Variants in CACNB2 observed in about 807,000 individuals in gnomAD.
CACNB2 encodes the protein voltage-dependent L-type calcium channel subunit beta-2.
CACNB2 carries 42 observed loss-of-function variants against 73.3 expected under a neutral mutation model. The observed-to-expected ratio is 0.57, with a 90% CI of 0.45 to 0.74. The LOEUF is 0.74. Among genes scored for constraint, CACNB2 ranks in the 30% least tolerant of loss-of-function variants. CACNB2 has a pLI of 0.00. For synonymous variants in CACNB2, 348 were observed against 310.3 expected, an observed-to-expected ratio of 1.12 and a Z score of -1.28; for missense variants, 940 against 853.0, an observed-to-expected ratio of 1.10 and a Z score of -1.27.
chr10:18,484,397 GAA>G (rs57334163), intron 3 of CACNB2, among the ~76,000 whole-genome samples: 2,495 of 146,578 alleles, frequency 0.017, 93 homozygotes, highest in South Asian at 0.13. Context: ...CTGTCTCAAA[GAA>G]AAAAAAAAAA....
chr10:18,359,113 CT>C (rs553267195), intron 2 of CACNB2, among the ~76,000 whole-genome samples: 12 of 147,578 alleles, frequency 8.1e-5, no homozygotes, highest in African/African-American at 7.5e-5. Context: ...TAGCCATTTT[CT>C]TTTTTTTTTA....
At chr10:18,535,600 G>A (rs964600041) in intron 11 of CACNB2, among the ~76,000 whole-genome samples, 7 of 151,824 alleles carry the variant, frequency 4.6e-5, no homozygotes, top group African/African-American at 9.7e-5. Context: ...GTGAAACCCC[G>A]TCTCTACTAA....
rs143202729 is a variant in CACNB2 at position 18,387,013 on chromosome 10, A to G, written c.214-14911A>G. Among the ~76,000 whole-genome samples, 553 of 152,368 alleles carry G rather than the reference A, an allele frequency of 3.6e-3. 2 individuals carry two copies. Among genetic ancestry groups the G allele is most frequent in the African/African-American group, 0.013 (530 of 41,594 alleles). On this transcript the variant is annotated intron_variant, in intron 2 of 13. Transcript: ENST00000324631. ...CCTTCATAATTAAACGCTCCAGCGT[A>G]TAATCACGGTGTATAATACTTCTGG...
At chr10:18,213,168 A>G (rs2035385246) in intron 2 of CACNB2, among the ~76,000 whole-genome samples, 2 of 152,104 alleles carry the variant, frequency 1.3e-5, no homozygotes, top group South Asian at 4.1e-4. Context: ...GACCACTGAT[A>G]CAGAGGAGGC....
intron 2 of CACNB2, among the ~76,000 whole-genome samples, chr10:18,209,836 G>A (rs2035245073): frequency 3.3e-5 from 5 of 152,110 alleles, no homozygotes; most frequent in African/African-American, 7.2e-5. Context: ...CAAACCAAAC[G>A]TAGTCCAAAA....
chr10:18,433,544 G>A (rs1158735606), intron 3 of CACNB2, among the ~76,000 whole-genome samples: 4 of 152,166 alleles, frequency 2.6e-5, no homozygotes, highest in African/African-American at 9.7e-5. Context: ...ATTATAGAGT[G>A]TTAAGGAGGT....
At chr10:18,398,652 G>T (rs1193034263) in intron 2 of CACNB2, among the ~76,000 whole-genome samples, 1 of 150,016 alleles carries the variant, frequency 6.7e-6, no homozygotes, top group East Asian at 1.9e-4. Context: ...TCAAGCCTGG[G>T]TGACAGTGAG....
chr10:18,362,732 C>T (rs978396125), intron 2 of CACNB2, among the ~76,000 whole-genome samples: 6 of 152,076 alleles, frequency 3.9e-5, no homozygotes, highest in African/African-American at 1.4e-4. Flanking sequence ...GCCTGGCCAA[C>T]ATGGTGAAAA....
At chr10:18,364,464 C>G (rs2042269179) in intron 2 of CACNB2, among the ~76,000 whole-genome samples, 1 of 151,648 alleles carries the variant, frequency 6.6e-6, no homozygotes, top group Non-Finnish European at 1.5e-5. Flanking sequence ...CCACGCCTGG[C>G]TAATTTTTGT....
At chr10:18,534,315 T>C in intron 11 of CACNB2, 88 bp downstream of exon 11, 3 of 1,135,844 alleles carry the variant, frequency 2.6e-6, no homozygotes, top group East Asian at 2.3e-5. Context: ...GCTATTGTAA[T>C]AGCCTTTATG....
chr10:18,180,853 C>G (rs886959467), intron 2 of CACNB2, among the ~76,000 whole-genome samples: 5 of 151,894 alleles, frequency 3.3e-5, no homozygotes, highest in African/African-American at 1.2e-4. Context: ...GTAATCCCAG[C>G]TACTCAGGAG....
intron 9 of CACNB2, among the ~76,000 whole-genome samples, chr10:18,525,042 A>AAT (rs1554838125): frequency 1.3e-5 from 2 of 151,386 alleles, no homozygotes; most frequent in Admixed American, 6.6e-5. Flanking sequence ...AAAAAAAAAA[A>AAT]AAAAAAACAC....
chr10:18,208,567 G>A lies in CACNB2; in HGVS notation c.213+57592G>A, dbSNP rs189876136. Among the ~76,000 whole-genome samples, 116 of 152,116 alleles carry A rather than the reference G, an allele frequency of 7.6e-4. 1 individual carries two copies. Among genetic ancestry groups the A allele is most frequent in the Non-Finnish European group, 7.5e-4 (51 of 67,988 alleles). On this transcript the variant is annotated intron_variant, in intron 2 of 13. Coordinates refer to ENST00000324631, the MANE Select transcript of CACNB2 (RefSeq NM_201596.3). ...TTGGAGGCTGCAGTGAGCCATGATC[G>A]TGCCACTGCACTCTAGCCTGTGCAA...
chr10:18,142,395 C>A (rs1588529026), intron 1 of CACNB2, among the ~76,000 whole-genome samples: 1 of 152,170 alleles, frequency 6.6e-6, no homozygotes, highest in Non-Finnish European at 1.5e-5. Flanking sequence ...GCCAGAGGAT[C>A]TGAATTTTAA....
chr10:18,269,626 C>T (rs2037963378), intron 2 of CACNB2, among the ~76,000 whole-genome samples: 1 of 152,202 alleles, frequency 6.6e-6, no homozygotes, highest in Non-Finnish European at 1.5e-5. Flanking sequence ...ATGCCCAGCC[C>T]AGATCTTTCT....
chr10:18,302,965 C>A (rs1347896525), intron 2 of CACNB2, among the ~76,000 whole-genome samples: 1 of 152,178 alleles, frequency 6.6e-6, no homozygotes, highest in African/African-American at 2.4e-5. Flanking sequence ...GAGATCGCAT[C>A]TCTCTTCATA....
At chr10:18,532,565 G>A (rs1272280727) in intron 10 of CACNB2, among the ~76,000 whole-genome samples, 1 of 151,232 alleles carries the variant, frequency 6.6e-6, no homozygotes, top group African/African-American at 2.4e-5. Flanking sequence ...TTCCAGCTAT[G>A]TGGGAGGCTG....
chr10:18,322,899 A>T (rs1589039795), intron 2 of CACNB2, among the ~76,000 whole-genome samples: 1 of 149,840 alleles, frequency 6.7e-6, no homozygotes, highest in South Asian at 2.1e-4. Flanking sequence ...TGGAAATGAG[A>T]TGCCTATAGA....
At chr10:18,398,113 G>T (rs368540061) in intron 2 of CACNB2, among the ~76,000 whole-genome samples, 1 of 152,146 alleles carries the variant, frequency 6.6e-6, no homozygotes, top group East Asian at 1.9e-4. Context: ...CTTGAGGCAC[G>T]ATGACCCAGA....
Sources: gnomAD v4.1 joint callset for allele counts (sites outside exome capture counted in the v4.1 genomes callset) on GRCh38, gnomAD v4.1.1 for gene constraint, MANE v1.5 for transcripts, NCBI Gene and HGNC (gene_info 2026-07-23, HGNC 2026-07-21) for gene names.